Variants in PACRGL observed in about 807,000 individuals in gnomAD.
PACRGL encodes the protein PACRG-like protein.
A neutral mutation model predicts 34.5 loss-of-function variants in PACRGL; 38 were observed. The observed-to-expected ratio is 1.10, with a 90% CI of 0.85 to 1.44. The LOEUF is 1.44. Ranked by LOEUF, PACRGL falls within the 40% of genes most tolerant of loss-of-function variation. The pLI, the probability that PACRGL is intolerant of heterozygous loss-of-function variation, is 0.00. For missense variants in PACRGL, 305 were observed against 281.4 expected, an observed-to-expected ratio of 1.08 and a Z score of -0.60; for synonymous variants, 128 against 100.1, an observed-to-expected ratio of 1.28 and a Z score of -1.66.
At chr4:20,736,022 G>GT (rs1304137889), downstream of PACRGL, among the ~76,000 whole-genome samples, 10 of 152,178 alleles carry the variant, frequency 6.6e-5, no homozygotes, top group East Asian at 1.9e-4. Flanking sequence ...TTCTCAAAAT[G>GT]TTTTTTCTTT....
intron 8 of PACRGL, among the ~76,000 whole-genome samples, chr4:20,747,188 C>T (rs1026339375): frequency 6.6e-6 from 1 of 152,074 alleles, no homozygotes; most frequent in African/African-American, 2.4e-5. Flanking sequence ...GGTTCCATAT[C>T]ATTAACACCA....
rs143717123 is a variant in PACRGL, at chr4:20,721,154, G to A, written c.610-3654G>A. Among the ~76,000 whole-genome samples, 152 of 152,116 alleles carry A rather than the reference G, an allele frequency of 1.0e-3. 1 individual carries two copies. In the East Asian group the frequency reaches 0.024, roughly 24 times the overall value. ...CTTGTGCATTCGTCATGTAGTTCTCGTGCCATGGTGTTCAGCTCCATCAGG... is the reference window on the plus strand; with the variant it reads ...CTTGTGCATTCGTCATGTAGTTCTCATGCCATGGTGTTCAGCTCCATCAGG... On this transcript the variant is annotated intron_variant, in intron 7 of 8. Coordinates refer to ENST00000503585, the MANE Select transcript of PACRGL (RefSeq NM_001258345.3).
At chr4:20,706,067 C>T (rs2149056810) in intron 3 of PACRGL, among the ~76,000 whole-genome samples, 1 of 151,524 alleles carries the variant, frequency 6.6e-6, no homozygotes, top group East Asian at 1.9e-4. Flanking sequence ...AACATTAATA[C>T]AGAGTTGAAA....
Position 20,704,647 on chromosome 4 carries a change from T to C in PACRGL, c.53-13T>C, listed in dbSNP as rs749166660. The C allele has an allele frequency of 6.2e-7, 1 of 1,614,018 alleles. No homozygotes were observed. The highest frequency in any genetic ancestry group is 8.5e-7 in the Non-Finnish European group (1 of 1,179,906). On this transcript the variant is annotated splice_polypyrimidine_tract_variant and intron_variant, in intron 2 of 8. Coordinates refer to ENST00000503585, the MANE Select transcript of PACRGL (RefSeq NM_001258345.3). Reference sequence around the variant, plus strand: ...TTGTACCTGGTTTCTATTGATGTTCTGTTTTTTTCCAGGTAACTATGATCA... The same window carrying C: ...TTGTACCTGGTTTCTATTGATGTTCCGTTTTTTTCCAGGTAACTATGATCA...
At chr4:20,735,878 G>T (rs1225647800), downstream of PACRGL, among the ~76,000 whole-genome samples, 1 of 152,156 alleles carries the variant, frequency 6.6e-6, no homozygotes, top group African/African-American at 2.4e-5. Flanking sequence ...GTTACAATGT[G>T]CTGTATTCAG....
downstream of PACRGL, among the ~76,000 whole-genome samples, chr4:20,753,783 G>A (rs1462929090): frequency 6.6e-6 from 1 of 152,174 alleles, no homozygotes; most frequent in Non-Finnish European, 1.5e-5. Context: ...CTCAGTGGGT[G>A]AAGTCTTTTT....
chr4:20,730,209 T>G lies in PACRGL; in HGVS notation c.*2868T>G. Reference sequence around the variant, plus strand: ...CACTATTTTGCCCCTGAGTATTGCCTCCTCCCATCAACCACCTCAACCACC... The same window carrying G: ...CACTATTTTGCCCCTGAGTATTGCCGCCTCCCATCAACCACCTCAACCACC... On this transcript the variant is annotated 3_prime_UTR_variant, in exon 9 of 9. Coordinates refer to ENST00000503585, the MANE Select transcript of PACRGL (RefSeq NM_001258345.3). 6.8e-7 allele frequency: 1 copy of G among 1,477,236 alleles called. No homozygotes were observed. 91.5% of individuals were successfully genotyped at this position (1,477,236 alleles called of 1,614,324 possible). A position where few individuals can be genotyped will look rare whatever the true frequency, so the allele number is the denominator to read the frequency against.
intron 7 of PACRGL, among the ~76,000 whole-genome samples, chr4:20,719,393 CTTCTCTAG>C (rs996049947): frequency 3.3e-5 from 5 of 152,070 alleles, no homozygotes; most frequent in South Asian, 2.1e-4. Flanking sequence ...TTTGCTCTTG[CTTCTCTAG>C]TTCTTTTAAT....
the PACRGL span, among the ~76,000 whole-genome samples, chr4:20,764,681 G>GACACACACACACACACACACAC: frequency 6.8e-6 from 1 of 147,108 alleles, no homozygotes; most frequent in Admixed American, 6.8e-5. Flanking sequence ...ATGGGAATTG[G>GACACACACACACACACACACAC]ACACACACAC....
chr4:20,724,911 A>G (rs1744973716), intron 8 of PACRGL, 23 bp downstream of exon 8: 1 of 1,296,508 alleles, frequency 7.7e-7, no homozygotes, highest in East Asian at 2.7e-5. Context: ...TTATTCCTTA[A>G]GTCTTTTTTT....
intron 8 of PACRGL, among the ~76,000 whole-genome samples, chr4:20,748,457 CAT>C (rs1422416493): frequency 2.0e-5 from 3 of 151,470 alleles, no homozygotes; most frequent in Admixed American, 6.6e-5. Context: ...TTGCTGGCCT[CAT>C]TCATCATCTG....
At chr4:20,696,512 G>A (rs1340189819), upstream of PACRGL, 5 of 152,176 alleles carry the variant, frequency 3.3e-5, no homozygotes, top group Non-Finnish European at 7.3e-5. Flanking sequence ...AGGAGAGAAA[G>A]GGTAAAGACA....
In PACRGL at chr4:20,727,558, G is replaced by A. The variant is rs529968084; in HGVS notation, c.*217G>A. ...AAGTTCTATAAGAGTACAATTTTGA[G>A]GTTTATTTTTTGTATTTTTATTATT... On this transcript the variant is annotated 3_prime_UTR_variant, in exon 9 of 9. Coordinates refer to ENST00000503585, the MANE Select transcript of PACRGL (RefSeq NM_001258345.3). 3.1e-5 allele frequency: 13 copies of A among 413,728 alleles called. No individual in the cohort carries two copies. In the Admixed American group the frequency reaches 3.9e-4, roughly 12 times the overall value. 25.6% of individuals were successfully genotyped at this position (413,728 alleles called of 1,614,324 possible). A position where few individuals can be genotyped will look rare whatever the true frequency, so the allele number is the denominator to read the frequency against.
chr4:20,713,246 G>T, intron 6 of PACRGL, 186 bp from the exon 7 acceptor site: 4 of 574,594 alleles, frequency 7.0e-6, no homozygotes, highest in Non-Finnish European at 9.0e-6. Context: ...TTTGTTTTTT[G>T]CTTCTAGATG....
chr4:20,728,711 A>G lies in PACRGL; in HGVS notation c.*1370A>G, dbSNP rs771858737. ...TGATGGCAAATTTCAGTGTACATGT[A>G]TTGTACTACTCTTAATTTCTACACT... On this transcript the variant is annotated 3_prime_UTR_variant, in exon 9 of 9. Coordinates refer to ENST00000503585, the MANE Select transcript of PACRGL (RefSeq NM_001258345.3). 6.6e-6 allele frequency: 1 copy of G among 152,602 alleles called. No homozygotes were observed. The highest frequency in any genetic ancestry group is 1.5e-5 in the Non-Finnish European group (1 of 68,030). The allele number at this position is 152,602 out of a possible 1,614,324, so 9.5% of individuals were successfully genotyped here.
At chr4:20,757,566 G>C (rs1420124679), downstream of PACRGL, among the ~76,000 whole-genome samples, 1 of 152,062 alleles carries the variant, frequency 6.6e-6, no homozygotes, top group Admixed American at 6.6e-5. Context: ...GCAATTTCCT[G>C]CAAATGCCCA....
chr4:20,757,434 C>T (rs1453562029), downstream of PACRGL, among the ~76,000 whole-genome samples: 1 of 152,130 alleles, frequency 6.6e-6, no homozygotes, highest in Non-Finnish European at 1.5e-5. Context: ...CCCACTTAAA[C>T]TTATCAGTGG....
At chr4:20,699,116 T>C (rs1387367825), upstream of PACRGL, among the ~76,000 whole-genome samples, 1 of 152,180 alleles carries the variant, frequency 6.6e-6, no homozygotes, top group Non-Finnish European at 1.5e-5. Flanking sequence ...GGAGCTCTAC[T>C]GAGTCTGACA....
At chr4:20,706,734 C>G (rs867996552) in intron 3 of PACRGL, among the ~76,000 whole-genome samples, 58 of 152,130 alleles carry the variant, frequency 3.8e-4, no homozygotes, top group Middle Eastern at 3.2e-3. Context: ...CGCCACCATC[C>G]TGGCTAGTTT....
Sources: gnomAD v4.1 joint callset for allele counts (sites outside exome capture counted in the v4.1 genomes callset) on GRCh38, gnomAD v4.1.1 for gene constraint, MANE v1.5 for transcripts, NCBI Gene and HGNC (gene_info 2026-07-23, HGNC 2026-07-21) for gene names.